Variants in POU6F2 observed in about 807,000 individuals in gnomAD.
POU6F2 encodes the protein POU class 6 homeobox 2.
Under a neutral mutation model 71.3 loss-of-function variants are expected in POU6F2, and 31 were observed. The observed-to-expected ratio is 0.43, with a 90% CI of 0.33 to 0.59. The LOEUF is 0.59. Ranked by LOEUF, POU6F2 falls within the 20% of genes least tolerant of loss-of-function variation. POU6F2 has a pLI of 0.04. For synonymous variants in POU6F2, 347 were observed against 355.7 expected, an observed-to-expected ratio of 0.98 and a Z score of 0.27; for missense variants, 783 against 856.8, an observed-to-expected ratio of 0.91 and a Z score of 1.07.
At chr7:38,988,474 A>C (rs1213664453) in intron 1 of POU6F2, among the ~76,000 whole-genome samples, 1 of 152,012 alleles carries the variant, frequency 6.6e-6, no homozygotes, top group Non-Finnish European at 1.5e-5. Context: ...TCTGGTATTC[A>C]TTTCATGTAT....
chr7:38,989,400 A>G (rs963061503), intron 1 of POU6F2, among the ~76,000 whole-genome samples: 5 of 151,942 alleles, frequency 3.3e-5, no homozygotes, highest in Non-Finnish European at 2.9e-5. Context: ...TAAAATTATC[A>G]CCTTTAGTAA....
chr7:39,405,948 C>A (rs1277637941), intron 5 of POU6F2: 3 of 152,284 alleles, frequency 2.0e-5, no homozygotes, highest in Non-Finnish European at 4.4e-5. Context: ...CATCGAACAA[C>A]CTTTCTCATT....
chr7:39,255,698 G>C (rs1784007581), intron 4 of POU6F2, among the ~76,000 whole-genome samples: 1 of 152,224 alleles, frequency 6.6e-6, no homozygotes, highest in South Asian at 2.1e-4. Flanking sequence ...TCTAACTTTA[G>C]AAGTGACAGT....
At chr7:39,156,603 A>G (rs1792875057) in intron 2 of POU6F2, among the ~76,000 whole-genome samples, 1 of 152,204 alleles carries the variant, frequency 6.6e-6, no homozygotes, top group South Asian at 2.1e-4. Context: ...ACTAACTTTA[A>G]TACATGGAGG....
At chr7:38,982,940 T>C (rs191071134) in intron 1 of POU6F2, among the ~76,000 whole-genome samples, 26 of 152,204 alleles carry the variant, frequency 1.7e-4, no homozygotes, top group East Asian at 5.8e-4. Flanking sequence ...GAAGGATGTT[T>C]CTTCACTGAC....
Position 39,201,692 on chromosome 7 carries a change from A to G in POU6F2, c.278-2543A>G, listed in dbSNP as rs182116095. On this transcript the variant is annotated intron_variant, in intron 2 of 9. Transcript: ENST00000518318. ...CTCCTGGTCAGGAGGAACCCACCCA[A>G]CCCATTCAAGTTTGTGTTTTCATAT... 3.9e-5 allele frequency among the ~76,000 whole-genome samples: 6 copies of G among 152,206 alleles called. 1 individual carries two copies. The East Asian group carries it at 1.2e-3, about 29-fold the overall frequency.
chr7:39,419,850 TAGC>T (rs759361055), intron 6 of POU6F2, among the ~76,000 whole-genome samples: 7 of 152,146 alleles, frequency 4.6e-5, no homozygotes, highest in Admixed American at 4.6e-4. Context: ...TTCTTCAGAT[TAGC>T]AGCAGCAGCA....
chr7:39,306,762 G>T (rs996883178), intron 4 of POU6F2, among the ~76,000 whole-genome samples: 4 of 152,190 alleles, frequency 2.6e-5, no homozygotes, highest in Non-Finnish European at 5.9e-5. Context: ...TATGCTATTT[G>T]CATACGCTTT....
chr7:39,464,707 A>G lies in POU6F2; in HGVS notation c.*21A>G. ...CCTAAAGAGATGCCCACCCATAATC[A>G]GAAGCAAAATTCACAGAAACTAAAC... is the stretch of plus-strand genomic sequence containing the variant. On this transcript the variant is annotated 3_prime_UTR_variant, in exon 10 of 10. Coordinates refer to ENST00000518318, the MANE Select transcript of POU6F2 (RefSeq NM_001370959.1). The surrounding 1 kb of genome is among the most constrained non-coding windows in gnomAD (Gnocchi z 4.1). The G allele has an allele frequency of 6.4e-7, 1 of 1,569,552 alleles. No homozygotes were observed. Among genetic ancestry groups the G allele is most frequent in the Non-Finnish European group, 8.6e-7 (1 of 1,160,098 alleles).
At chr7:39,397,596 A>G (rs1416125550) in intron 5 of POU6F2, among the ~76,000 whole-genome samples, 1 of 148,398 alleles carries the variant, frequency 6.7e-6, no homozygotes, top group Non-Finnish European at 1.5e-5. Context: ...GGGCTCAAGT[A>G]ATTCTCCTGC....
chr7:39,124,913 G>A (rs992172314), intron 2 of POU6F2, among the ~76,000 whole-genome samples: 13 of 151,998 alleles, frequency 8.6e-5, no homozygotes, highest in Non-Finnish European at 2.9e-5. Flanking sequence ...TTGTATGTGC[G>A]TTTGTGTGTG....
chr7:39,454,019 T>C (rs563734471), intron 8 of POU6F2, among the ~76,000 whole-genome samples: 1 of 152,318 alleles, frequency 6.6e-6, no homozygotes, highest in East Asian at 1.9e-4. Context: ...AAATCCCTTC[T>C]GTCTCAAAAG....
intron 6 of POU6F2, among the ~76,000 whole-genome samples, chr7:39,418,082 A>G (rs1421217432): frequency 1.3e-5 from 2 of 152,230 alleles, no homozygotes; most frequent in Non-Finnish European, 2.9e-5. Context: ...AGAAACTTCC[A>G]ATATCACCCA....
chr7:39,206,274 G>C (rs752806899), intron 3 of POU6F2, among the ~76,000 whole-genome samples: 1 of 152,148 alleles, frequency 6.6e-6, no homozygotes, highest in South Asian at 2.1e-4. Context: ...TGGTCATCTG[G>C]CTTGACCAGG....
chr7:39,135,109 C>G (rs1792363788), intron 2 of POU6F2, among the ~76,000 whole-genome samples: 1 of 152,114 alleles, frequency 6.6e-6, no homozygotes, highest in Admixed American at 6.5e-5. Context: ...CTTAAACTAA[C>G]AAGACATGAG....
At chr7:39,361,797 A>G (rs543271901) in intron 5 of POU6F2, among the ~76,000 whole-genome samples, 1 of 152,232 alleles carries the variant, frequency 6.6e-6, no homozygotes, top group South Asian at 2.1e-4. Flanking sequence ...AGAGGTCACA[A>G]TGAAATTGCA....
intron 1 of POU6F2, among the ~76,000 whole-genome samples, chr7:39,022,716 T>C (rs1789707311): frequency 6.6e-6 from 1 of 152,112 alleles, no homozygotes; most frequent in Non-Finnish European, 1.5e-5. Flanking sequence ...TCCATCTTTT[T>C]TCTTTTTTGC....
intron 2 of POU6F2, among the ~76,000 whole-genome samples, chr7:39,160,662 C>T (rs2128736484): frequency 6.6e-6 from 1 of 152,298 alleles, no homozygotes; most frequent in East Asian, 1.9e-4. Context: ...ACCATCAGCC[C>T]TATTTAAAAA....
chr7:39,183,293 G>C (rs4537223), intron 2 of POU6F2, among the ~76,000 whole-genome samples: 36,887 of 152,032 alleles, frequency 0.24, 5,126 homozygotes, highest in East Asian at 0.62. Flanking sequence ...ATAACTACCT[G>C]ATACTGGGTA....
Sources: gnomAD v4.1 joint callset for allele counts (sites outside exome capture counted in the v4.1 genomes callset) on GRCh38, gnomAD v4.1.1 for gene constraint, Gnocchi (gnomAD v3.1) non-coding constraint, MANE v1.5 for transcripts, NCBI Gene and HGNC (gene_info 2026-07-23, HGNC 2026-07-21) for gene names.